The following BARHL1 variants were observed in gnomAD, a reference collection of about 807,000 sequenced individuals.
BARHL1 encodes barH-like 1 homeobox protein.
A neutral mutation model predicts 20.1 loss-of-function variants in BARHL1; 2 were observed. That is an observed-to-expected ratio of 0.10 (90% CI 0.04 to 0.31). The LOEUF is 0.31. BARHL1 is among the 10% of genes least tolerant of loss of function. BARHL1 has a pLI of 1.00. For missense variants in BARHL1, 397 were observed against 454.0 expected (o/e 0.87, Z 1.14); for synonymous variants, 213 against 209.9 (o/e 1.01, Z -0.13).
chr9:132,585,678 C>G (rs189625072), intron 1 of BARHL1, among the ~76,000 whole-genome samples: 2 of 152,182 alleles, frequency 1.3e-5, no homozygotes, highest in Non-Finnish European at 2.9e-5. Context: ...CTGAGCCTAT[C>G]CAAGAGGAGG....
rs538965562 is a variant in BARHL1, at chr9:132,589,481, C to A, written c.943C>A (p.Pro315Thr). Reference sequence around the variant, plus strand: ...CAGCGAGCCGCCCCCGCCGCTGCCCCCCCTGGCCGGCGTCCTCCCACGCGC... The same window carrying A: ...CAGCGAGCCGCCCCCGCCGCTGCCCACCCTGGCCGGCGTCCTCCCACGCGC... ...GASEPPPPLP[P>T]LAGVLPRAAQ... Residue 315 changes from proline (P) to threonine (T), a missense_variant, in exon 3 of 3, where the codon CCC becomes ACC. Coordinates refer to ENST00000263610, the MANE Select transcript of BARHL1 (RefSeq NM_020064.4). The A allele has an allele frequency of 1.1e-4, 162 of 1,488,662 alleles. No individual in the cohort carries two copies. Among genetic ancestry groups the A allele is most frequent in the East Asian group, 5.8e-4 (21 of 36,208 alleles). 92.2% of individuals were successfully genotyped at this position (1,488,662 alleles called of 1,614,324 possible).
At chr9:132,588,325 A>G (rs34687265) in intron 2 of BARHL1, among the ~76,000 whole-genome samples, 2 of 152,318 alleles carry the variant, frequency 1.3e-5, no homozygotes, top group East Asian at 1.9e-4. Context: ...CTCTTAGCAG[A>G]GGCAGGAATG....
chr9:132,583,855 A>G (rs1166646946), intron 1 of BARHL1, among the ~76,000 whole-genome samples: 1 of 152,214 alleles, frequency 6.6e-6, no homozygotes, highest in African/African-American at 2.4e-5. Context: ...GCTGCCTGGG[A>G]GCAGGTCAGG....
At position 132,587,266 on chromosome 9, in the gene BARHL1, A is replaced by G. The variant is rs1830153973; in HGVS notation, c.467-63A>G. 8 of 1,431,836 alleles carry G rather than the reference A, an allele frequency of 5.6e-6. No homozygotes were observed. The allele number at this position is 1,431,836 out of a possible 1,614,324, so 88.7% of individuals were successfully genotyped here. On this transcript the variant is annotated intron_variant, in intron 1 of 2. Transcript: ENST00000263610. The surrounding 1 kb of genome is among the most constrained non-coding windows in gnomAD (Gnocchi z 5.5). Reference sequence around the variant, plus strand: ...CCGAGGTTACACAAACGCCACGGGCAGGAGCGGGAGGGCACCGGCGGCGGC... The same window carrying G: ...CCGAGGTTACACAAACGCCACGGGCGGGAGCGGGAGGGCACCGGCGGCGGC...
rs201426274 is a variant in BARHL1 at position 132,589,348 on chromosome 9, C to T, written c.810C>T (p.Asn270=). 207 of 1,613,500 alleles carry T rather than the reference C, an allele frequency of 1.3e-4. 1 individual carries two copies. The Middle Eastern group carries it at 1.5e-3, about 12-fold the overall frequency. The part of the protein sequence containing the change: ...PYFYPQSLVS[N]LDPGAALYLY... The stretch of plus-strand genomic sequence containing the variant: ...TCTACCCGCAGAGTCTGGTTTCCAA[C>T]CTGGACCCCGGCGCGGCGCTCTACC... The change falls in exon 3 of 3, where the codon AAC becomes AAT. Residue 270 remains asparagine, a synonymous_variant. Transcript: ENST00000263610.
intron 1 of BARHL1, among the ~76,000 whole-genome samples, chr9:132,586,187 A>T (rs1307220658): frequency 1.3e-5 from 2 of 152,258 alleles, no homozygotes; most frequent in Non-Finnish European, 2.9e-5. Context: ...TAACGGCTCA[A>T]TTAACCGGAT....
chr9:132,585,139 G>A (rs1830124540), intron 1 of BARHL1, among the ~76,000 whole-genome samples: 3 of 152,100 alleles, frequency 2.0e-5, no homozygotes, highest in African/African-American at 7.2e-5. Context: ...GGGAGGTGAC[G>A]AGGGCCGGCT....
At position 132,582,947 on chromosome 9, in the gene BARHL1, G is replaced by T; in HGVS notation, c.150G>T (p.Ser50=). ...CAGAGAGCAGCAGCGACTGCTCTTC[G>T]CCAGCCTCTCCAGGAAGGGACTGTT... ...PRSESSSDCS[S]PASPGRDCLE... The change falls in exon 1 of 3, where the codon TCG becomes TCT. Residue 50 remains serine, a synonymous_variant. Coordinates refer to ENST00000263610, the MANE Select transcript of BARHL1 (RefSeq NM_020064.4). 1 of 1,611,836 alleles carries T rather than the reference G, an allele frequency of 6.2e-7. No homozygotes were observed.
At chr9:132,584,873 A>C (rs1589937560) in intron 1 of BARHL1, among the ~76,000 whole-genome samples, 1 of 152,142 alleles carries the variant, frequency 6.6e-6, no homozygotes, top group African/African-American at 2.4e-5. Flanking sequence ...GGGGAGGAGG[A>C]AGGAGGGGGA....
At chr9:132,584,027 C>T (rs1830102107) in intron 1 of BARHL1, among the ~76,000 whole-genome samples, 1 of 152,136 alleles carries the variant, frequency 6.6e-6, no homozygotes. Context: ...TGCCCCTCCA[C>T]TTTTCTTTTT....
Position 132,582,899 on chromosome 9 carries a change from G to A in BARHL1, c.102G>A (p.Ser34=). Residue 34 remains serine, a synonymous_variant, in exon 1 of 3, where the codon TCG becomes TCA. Coordinates refer to ENST00000263610, the MANE Select transcript of BARHL1 (RefSeq NM_020064.4). Reference sequence around the variant, plus strand: ...ACCCCTTGCTCGGGGACTGCCGTTCGCCCCTGGAGCTGAGTCCACGCTCAG... The same window carrying A: ...ACCCCTTGCTCGGGGACTGCCGTTCACCCCTGGAGCTGAGTCCACGCTCAG... The part of the protein sequence containing the change: ...KGDPLLGDCR[S]PLELSPRSES... The A allele has an allele frequency of 1.2e-6, 2 of 1,613,310 alleles. No homozygotes were observed.
chr9:132,583,171 C>T lies in BARHL1; in HGVS notation c.374C>T (p.Pro125Leu). 1 of 1,613,694 alleles carries T rather than the reference C, an allele frequency of 6.2e-7. No homozygotes were observed. Among genetic ancestry groups the T allele is most frequent in the Non-Finnish European group, 8.5e-7 (1 of 1,179,974 alleles). Residue 125 changes from proline to leucine, a missense_variant, in exon 1 of 3, where the codon CCT becomes CTT. Pro to Leu is a moderately conservative substitution (Grantham distance 98). This residue lies in a region of BARHL1 where 272 missense variants were observed against 298.7 expected (regional missense o/e 0.91). Transcript: ENST00000263610. ...AGCGGGCAGCCGGCAGCCCCTGAGC[C>T]TGGGGGCCGCCTTGCGGCCAAGGCC... is the stretch of plus-strand genomic sequence containing the variant. ...SSSGQPAAPE[P>L]GGRLAAKAAE...
At chr9:132,584,160 AGG>A (rs1564260252) in intron 1 of BARHL1, among the ~76,000 whole-genome samples, 6 of 151,700 alleles carry the variant, frequency 4.0e-5, no homozygotes, top group African/African-American at 1.5e-4. Flanking sequence ...GAAGGAAGGA[AGG>A]AAGGAAGGGA....
chr9:132,587,094 G>A lies in BARHL1; in HGVS notation c.467-235G>A, dbSNP rs1327265887. ...CGCCAGCTTCGGGTTCTTTCTCCCC[G>A]GAGCTGCCCGGGGGGTCTCGGCCTC... is the stretch of plus-strand genomic sequence containing the variant. On this transcript the variant is annotated intron_variant, in intron 1 of 2. Coordinates refer to ENST00000263610, the MANE Select transcript of BARHL1 (RefSeq NM_020064.4). This position sits in a 1 kb window ranked among gnomAD's most constrained non-coding sequence, Gnocchi z 5.5. Among the ~76,000 whole-genome samples, 1 of 152,230 alleles carries A rather than the reference G, an allele frequency of 6.6e-6. No homozygotes were observed. The highest frequency in any genetic ancestry group is 1.5e-5 in the Non-Finnish European group (1 of 68,032).
rs542447264 is a variant in BARHL1, at chr9:132,585,128, C to T, written c.466+1865C>T. Among the ~76,000 whole-genome samples, 3 of 152,208 alleles carry T rather than the reference C, an allele frequency of 2.0e-5. No individual in the cohort carries two copies. In the South Asian group the frequency reaches 6.2e-4, roughly 32 times the overall value. On this transcript the variant is annotated intron_variant, in intron 1 of 2. Coordinates refer to ENST00000263610, the MANE Select transcript of BARHL1 (RefSeq NM_020064.4). The stretch of plus-strand genomic sequence containing the variant: ...TCTCCTGTCTCTGAGGATATCTGAT[C>T]GGGAGGTGACGAGGGCCGGCTGTCT...
Position 132,589,980 on chromosome 9 carries a change from C to T in BARHL1, c.*458C>T, listed in dbSNP as rs940608971. 3 of 160,500 alleles carry T rather than the reference C, an allele frequency of 1.9e-5. No homozygotes were observed. The highest frequency in any genetic ancestry group is 7.2e-5 in the African/African-American group (3 of 41,798). The allele number at this position is 160,500 out of a possible 1,614,324, so 9.9% of individuals were successfully genotyped here. A position where few individuals can be genotyped will look rare whatever the true frequency, so the allele number is the denominator to read the frequency against. On this transcript the variant is annotated 3_prime_UTR_variant, in exon 3 of 3. Coordinates refer to ENST00000263610, the MANE Select transcript of BARHL1 (RefSeq NM_020064.4). ...GAGTGCGGAGCCCCGTCTCCCTACC[C>T]CTCGAGCACCTGGGCCAGCGGCTGA...
At chr9:132,583,830 A>C (rs565019009) in intron 1 of BARHL1, among the ~76,000 whole-genome samples, 52 of 152,312 alleles carry the variant, frequency 3.4e-4, no homozygotes, top group African/African-American at 1.2e-3. Flanking sequence ...TCAAAGCAGA[A>C]ACCTCAGCCA....
Position 132,583,167 on chromosome 9 carries a change from G to A in BARHL1, c.370G>A (p.Glu124Lys), listed in dbSNP as rs1392918526. ...TAGCAGCGGGCAGCCGGCAGCCCCT[G>A]AGCCTGGGGGCCGCCTTGCGGCCAA... The part of the protein sequence containing the change: ...YSSSGQPAAP[E>K]PGGRLAAKAA... Residue 124 changes from glutamate (E) to lysine (K), a missense_variant, in exon 1 of 3, where the codon GAG (glutamate) becomes AAG (lysine). Around this residue, in one of 3 missense-constraint regions of BARHL1, gnomAD observed 272 missense variants for 298.7 expected, o/e 0.91. Transcript: ENST00000263610. The A allele has an allele frequency of 1.2e-6, 2 of 1,613,720 alleles. No individual in the cohort carries two copies. The highest frequency in any genetic ancestry group is 1.7e-6 in the Non-Finnish European group (2 of 1,179,982).
chr9:132,586,170 C>T (rs772086508), intron 1 of BARHL1, among the ~76,000 whole-genome samples: 1 of 152,220 alleles, frequency 6.6e-6, no homozygotes, highest in Admixed American at 6.5e-5. Context: ...TGAAAAGTCT[C>T]GATCCCTAAC....
Sources: allele counts gnomAD v4.1 joint callset (sites outside exome capture counted in the v4.1 genomes callset), GRCh38; gene constraint gnomAD v4.1.1; regional missense constraint gnomAD v4.1.1; non-coding constraint Gnocchi (gnomAD v3.1); transcripts MANE v1.5; gene names NCBI Gene and HGNC (gene_info 2026-07-23, HGNC 2026-07-21).